NACAD: variants seen among roughly 807,000 people sequenced by gnomAD.
NACAD encodes the protein NAC alpha domain containing.
In NACAD, 47 loss-of-function variants were observed where a neutral mutation model predicts 98.9. The ratio of observed to expected loss-of-function variants is 0.48; its 90% CI spans 0.38 to 0.61. NACAD has a LOEUF of 0.61. NACAD is among the 20% of genes least tolerant of loss of function. The probability of loss-of-function intolerance (pLI) is 0.00; values close to 1 mark genes in which losing one functional copy is unlikely to be tolerated. For synonymous variants in NACAD, 696 were observed against 767.2 expected (o/e 0.91, Z 1.53); for missense variants, 1,412 against 1,748.2 (o/e 0.81, Z 3.43).
In NACAD at chr7:45,084,796, G is replaced by A. The variant is rs1458858243; in HGVS notation, c.1384C>T (p.Gln462Ter). ...TCTGTTACTTCTGAGATCAATTCCTGTCTCTGGGACAGATAGGCCCCTCTG... is the reference window on the plus strand; with the variant it reads ...TCTGTTACTTCTGAGATCAATTCCTATCTCTGGGACAGATAGGCCCCTCTG... Reference protein sequence around the residue: ...SDRGAYLSQRQELISEVTEEG... With the variant: ...SDRGAYLSQR The change falls in exon 2 of 8, where the codon CAG (glutamine) becomes TAG (stop). Residue 462 changes from glutamine (Q) to a stop codon, truncating the protein, a stop_gained. Coordinates refer to ENST00000490531, the MANE Select transcript of NACAD (RefSeq NM_001146334.2). LOFTEE classifies it high-confidence loss of function. 6.4e-7 allele frequency: 1 copy of A among 1,550,900 alleles called. No individual in the cohort carries two copies. The highest frequency in any genetic ancestry group is 8.7e-7 in the Non-Finnish European group (1 of 1,146,954).
rs1252064428 is a variant in NACAD at position 45,085,751 on chromosome 7, C to T, written c.429G>A (p.Glu143=). The change falls in exon 2 of 8, where the codon GAG becomes GAA. Residue 143 remains glutamate, a synonymous_variant. Coordinates refer to ENST00000490531, the MANE Select transcript of NACAD (RefSeq NM_001146334.2). The surrounding 1 kb of genome is among the most constrained non-coding windows in gnomAD (Gnocchi z 6.1). ...GTGGGTCTGGGCTTGCGTGCCCACC[C>T]TCCTGGTCCCTGAGCGCTGTCCGGG... The part of the protein sequence containing the change: ...RAARTALRDQ[E]GGHASPDPPP... 1 of 1,549,696 alleles carries T rather than the reference C, an allele frequency of 6.5e-7. No individual in the cohort carries two copies. The highest frequency in any genetic ancestry group is 1.2e-5 in the South Asian group (1 of 83,926).
At chr7:45,087,961 C>T (rs758160186) in intron 1 of NACAD, among the ~76,000 whole-genome samples, 9 of 152,210 alleles carry the variant, frequency 5.9e-5, no homozygotes, top group Non-Finnish European at 1.2e-4. Flanking sequence ...AGAGCCAGCA[C>T]AAGACCCTGG....
In NACAD at chr7:45,088,571, G is replaced by A. The variant is rs933536650; in HGVS notation, c.67+257C>T. 3.9e-5 allele frequency among the ~76,000 whole-genome samples: 6 copies of A among 152,224 alleles called. No individual in the cohort carries two copies. Among genetic ancestry groups the A allele is most frequent in the Admixed American group, 2.0e-4 (3 of 15,288 alleles). On this transcript the variant is annotated intron_variant, in intron 1 of 7. Coordinates refer to ENST00000490531, the MANE Select transcript of NACAD (RefSeq NM_001146334.2). The surrounding 1 kb of genome is among the most constrained non-coding windows in gnomAD (Gnocchi z 5.7). ...GCGGGATGCGAGCCCCACGATCCCTGGGTCGGAAGCCAAGGGCTTAAGCCC... is the reference window on the plus strand; with the variant it reads ...GCGGGATGCGAGCCCCACGATCCCTAGGTCGGAAGCCAAGGGCTTAAGCCC...
rs546586570 is a variant in NACAD at position 45,086,160 on chromosome 7, G to C, written c.68-48C>G. The C allele has an allele frequency of 5.3e-6, 8 of 1,522,784 alleles. No individual in the cohort carries two copies. In the South Asian group the frequency reaches 7.2e-5, roughly 14 times the overall value. The allele number at this position is 1,522,784 out of a possible 1,614,324, so 94.3% of individuals were successfully genotyped here. ...GAGGTGCCCCTGGATGCATCTCCCA[G>C]GCAAGGGCCAGGCCCGGGGAGATGA... is the stretch of plus-strand genomic sequence containing the variant. On this transcript the variant is annotated intron_variant, in intron 1 of 7. Transcript: ENST00000490531.
In NACAD at chr7:45,088,753, G is replaced by A. The variant is rs1206557023; in HGVS notation, c.67+75C>T. 3.1e-6 allele frequency: 4 copies of A among 1,307,028 alleles called. No individual in the cohort carries two copies. In the East Asian group the frequency reaches 1.2e-4, roughly 40 times the overall value. The allele number at this position is 1,307,028 out of a possible 1,614,324, so 81.0% of individuals were successfully genotyped here. A position where few individuals can be genotyped will look rare whatever the true frequency, so the allele number is the denominator to read the frequency against. On this transcript the variant is annotated intron_variant, in intron 1 of 7. Coordinates refer to ENST00000490531, the MANE Select transcript of NACAD (RefSeq NM_001146334.2). The surrounding 1 kb of genome is among the most constrained non-coding windows in gnomAD (Gnocchi z 5.7). The stretch of plus-strand genomic sequence containing the variant: ...AGGGGGATGGGGGAGAGGGGTGAAA[G>A]GTGAGCGATGGAAAGAGAACCCGGG...
rs528438032 is a variant in NACAD, at chr7:45,085,845, G to A, written c.335C>T (p.Pro112Leu). 148 of 1,542,844 alleles carry A rather than the reference G, an allele frequency of 9.6e-5. No individual in the cohort carries two copies. The East Asian group carries it at 2.6e-3, about 28-fold the overall frequency. Residue 112 changes from proline (P) to leucine (L), a missense_variant, in exon 2 of 8, where the codon CCG becomes CTG. Coordinates refer to ENST00000490531, the MANE Select transcript of NACAD (RefSeq NM_001146334.2). The surrounding 1 kb of genome is among the most constrained non-coding windows in gnomAD (Gnocchi z 6.1). Reference protein sequence around the residue: ...SQALSTEAPLPATLEPRIVMG... With the variant: ...SQALSTEAPLLATLEPRIVMG... ...CACAATCCGGGGCTCCAGGGTGGCC[G>A]GGAGAGGAGCCTCCGTGGACAGAGC...
At position 45,083,325 on chromosome 7, in the gene NACAD, G is replaced by C. The variant is rs975909425; in HGVS notation, c.2855C>G (p.Ala952Gly). 2.3e-5 allele frequency: 36 copies of C among 1,551,128 alleles called. No homozygotes were observed. The highest frequency in any genetic ancestry group is 3.1e-5 in the Non-Finnish European group (35 of 1,147,018). The change falls in exon 2 of 8, where the codon GCA becomes GGA. Residue 952 changes from alanine (A) to glycine (G), a missense_variant. By Grantham distance (60) the Ala-to-Gly change is moderately conservative. This residue lies in a region of NACAD where 572 missense variants were observed against 639.6 expected (regional missense o/e 0.89). Coordinates refer to ENST00000490531, the MANE Select transcript of NACAD (RefSeq NM_001146334.2). ...AGGCTCTGTCCCTGGGGCACAGCCT[G>C]CTTCTGCCTGCAAGGTTTGAGGGGT... ...VATPQTLQAE[A>G]GCAPGTEPVA...
In NACAD at chr7:45,084,828, G is replaced by C; in HGVS notation, c.1352C>G (p.Thr451Ser). ...GGACAGATAGGCCCCTCTGTCTGAG[G>C]TCTGAGGAGCAGCCTCCACGGCCCA... is the stretch of plus-strand genomic sequence containing the variant. ...VSWAVEAAPQ[T>S]SDRGAYLSQR... Residue 451 changes from threonine (T) to serine (S), a missense_variant, in exon 2 of 8, where the codon ACC (threonine) becomes AGC (serine). Around this residue, in one of 5 missense-constraint regions of NACAD, gnomAD observed 638 missense variants for 722.7 expected, o/e 0.88. Coordinates refer to ENST00000490531, the MANE Select transcript of NACAD (RefSeq NM_001146334.2). 6.4e-7 allele frequency: 1 copy of C among 1,550,912 alleles called. No homozygotes were observed. The highest frequency in any genetic ancestry group is 8.7e-7 in the Non-Finnish European group (1 of 1,146,934).
Position 45,088,895 on chromosome 7 carries a change from G to A in NACAD, c.-1C>T. 2 of 1,435,590 alleles carry A rather than the reference G, an allele frequency of 1.4e-6. No homozygotes were observed. Among genetic ancestry groups the A allele is most frequent in the Non-Finnish European group, 9.1e-7 (1 of 1,096,102 alleles). 88.9% of individuals were successfully genotyped at this position (1,435,590 alleles called of 1,614,324 possible). ...CGGCGCGGGCAGCCTCCCCAGGCATGGCCTGGCCGTGCGCCCGCCCGTCCC... is the reference window on the plus strand; with the variant it reads ...CGGCGCGGGCAGCCTCCCCAGGCATAGCCTGGCCGTGCGCCCGCCCGTCCC... On this transcript the variant is annotated 5_prime_UTR_variant, in exon 1 of 8. Coordinates refer to ENST00000490531, the MANE Select transcript of NACAD (RefSeq NM_001146334.2). The surrounding 1 kb of genome is among the most constrained non-coding windows in gnomAD (Gnocchi z 5.7).
Position 45,085,837 on chromosome 7 carries a change from G to T in NACAD, c.343C>A (p.Leu115Met). 6.5e-7 allele frequency: 1 copy of T among 1,542,078 alleles called. No individual in the cohort carries two copies. The highest frequency in any genetic ancestry group is 8.7e-7 in the Non-Finnish European group (1 of 1,142,982). ...TCTCCCATCACAATCCGGGGCTCCA[G>T]GGTGGCCGGGAGAGGAGCCTCCGTG... ...LSTEAPLPAT[L>M]EPRIVMGEET... Residue 115 changes from leucine to methionine, a missense_variant, in exon 2 of 8, where the codon CTG (leucine) becomes ATG (methionine). By Grantham distance (15) the Leu-to-Met change is conservative (BLOSUM62 2). Coordinates refer to ENST00000490531, the MANE Select transcript of NACAD (RefSeq NM_001146334.2). This position sits in a 1 kb window ranked among gnomAD's most constrained non-coding sequence, Gnocchi z 6.1.
rs771376757 is a variant in NACAD, at chr7:45,085,415, C to T, written c.765G>A (p.Pro255=). 84 of 1,546,760 alleles carry T rather than the reference C, an allele frequency of 5.4e-5. No individual in the cohort carries two copies. The highest frequency in any genetic ancestry group is 6.9e-5 in the Non-Finnish European group (79 of 1,145,024). ...CTCGTTCATCCACCATGGACCCCTGCGGGGACAGGCCCCAGCCTGAGGGGA... is the reference window on the plus strand; with the variant it reads ...CTCGTTCATCCACCATGGACCCCTGTGGGGACAGGCCCCAGCCTGAGGGGA... The part of the protein sequence containing the change: ...LDFPSGWGLS[P]QGSMVDEREL... Residue 255 remains proline (P), a synonymous_variant, in exon 2 of 8, where the codon CCG becomes CCA. Transcript: ENST00000490531. The surrounding 1 kb of genome is among the most constrained non-coding windows in gnomAD (Gnocchi z 6.1).
chr7:45,081,549 C>A, intron 4 of NACAD, 52 bp downstream of exon 4: 1 of 1,544,602 alleles, frequency 6.5e-7, no homozygotes, highest in South Asian at 1.2e-5. Context: ...TAAGGACGTT[C>A]CCCACACAGA....
chr7:45,082,556 G>C lies in NACAD; in HGVS notation c.3624C>G (p.Pro1208=), dbSNP rs765461975. The C allele has an allele frequency of 1.8e-4, 276 of 1,547,850 alleles. No homozygotes were observed. The highest frequency in any genetic ancestry group is 2.2e-4 in the Non-Finnish European group (255 of 1,145,886). ...PSVLGTPLLQ[P]PENLAKGQPS... ...GCTGACCCTTGGCAAGGTTTTCTGG[G>C]GGCTGCAGCAAGGGGGTGCCAAGGA... Residue 1208 remains proline (P), a synonymous_variant, in exon 2 of 8, where the codon CCC becomes CCG. Transcript: ENST00000490531. The surrounding 1 kb of genome is among the most constrained non-coding windows in gnomAD (Gnocchi z 4.5).
chr7:45,084,511 A>C lies in NACAD; in HGVS notation c.1669T>G (p.Leu557Val). 6.4e-7 allele frequency: 1 copy of C among 1,552,294 alleles called. No homozygotes were observed. ...AAGTTCTGAGGAGAGTCTGGACACA[A>C]TGTGAGGCTTGTTTCTTCCTGTGGA... is the stretch of plus-strand genomic sequence containing the variant. ...PTPQEETSLT[L>V]CPDSPQNLKE... The change falls in exon 2 of 8, where the codon TTG becomes GTG. Residue 557 changes from leucine to valine, a missense_variant. Coordinates refer to ENST00000490531, the MANE Select transcript of NACAD (RefSeq NM_001146334.2).
Position 45,081,494 on chromosome 7 carries a change from CCT to C in NACAD, c.4257+105_4257+106del, listed in dbSNP as rs1784429442. 5.0e-6 allele frequency: 7 copies of C among 1,413,274 alleles called. No individual in the cohort carries two copies. In the East Asian group the frequency reaches 1.7e-4, roughly 35 times the overall value. 87.5% of individuals were successfully genotyped at this position (1,413,274 alleles called of 1,614,324 possible). On this transcript the variant is annotated intron_variant, in intron 4 of 7. Transcript: ENST00000490531. ...GTTACTGGCATGGACCCAAAGGTCC[CCT>C]GATGGATGGGATTTCATTAGCCATG... is the stretch of plus-strand genomic sequence containing the variant.
rs747822028 is a variant in NACAD at position 45,084,455 on chromosome 7, A to C, written c.1725T>G (p.Ser575=). The change falls in exon 2 of 8, where the codon TCT becomes TCG. Residue 575 remains serine (S), a synonymous_variant. Transcript: ENST00000490531. The part of the protein sequence containing the change: ...LKEEGGLDLP[S]GRKPVAAATI... ...TGGCTGCAGCTACAGGCTTTCTGCC[A>C]GAGGGGAGGTCCAGCCCTCCTTCTT... The C allele has an allele frequency of 1.3e-6, 2 of 1,551,938 alleles. No individual in the cohort carries two copies.
In NACAD at chr7:45,084,732, A is replaced by G. The variant is rs762140085; in HGVS notation, c.1448T>C (p.Val483Ala). 6.4e-7 allele frequency: 1 copy of G among 1,551,068 alleles called. No homozygotes were observed. Among genetic ancestry groups the G allele is most frequent in the Non-Finnish European group, 8.7e-7 (1 of 1,146,888 alleles). ...GGCTACCTGCAGAGTGTGAGGGGTCACAGTGGCAGTGGACTCCTGGCCTAA... is the reference window on the plus strand; with the variant it reads ...GGCTACCTGCAGAGTGTGAGGGGTCGCAGTGGCAGTGGACTCCTGGCCTAA... Reference protein sequence around the residue: ...LALGQESTATVTPHTLQVAPG... With the variant: ...LALGQESTATATPHTLQVAPG... The change falls in exon 2 of 8, where the codon GTG becomes GCG. Residue 483 changes from valine to alanine, a missense_variant. Transcript: ENST00000490531.
At position 45,088,759 on chromosome 7, in the gene NACAD, C is replaced by T; in HGVS notation, c.67+69G>A. On this transcript the variant is annotated intron_variant, in intron 1 of 7. Coordinates refer to ENST00000490531, the MANE Select transcript of NACAD (RefSeq NM_001146334.2). The surrounding 1 kb of genome is among the most constrained non-coding windows in gnomAD (Gnocchi z 5.7). ...ATGGGGGAGAGGGGTGAAAGGTGAG[C>T]GATGGAAAGAGAACCCGGGCTGGAG... 2 of 1,338,672 alleles carry T rather than the reference C, an allele frequency of 1.5e-6. No individual in the cohort carries two copies. Among genetic ancestry groups the T allele is most frequent in the East Asian group, 3.0e-5 (1 of 32,872 alleles). The allele number at this position is 1,338,672 out of a possible 1,614,324, so 82.9% of individuals were successfully genotyped here.
At position 45,084,889 on chromosome 7, in the gene NACAD, C is replaced by T. The variant is rs757091852; in HGVS notation, c.1291G>A (p.Ala431Thr). The change falls in exon 2 of 8, where the codon GCC becomes ACC. Residue 431 changes from alanine (A) to threonine (T), a missense_variant. Physicochemically the swap from Ala to Thr is moderately conservative, Grantham distance 58. Transcript: ENST00000490531. ...QKTEEESGGG[A>T]KGLQAQDGTV... is the part of the protein sequence containing the mutation. ...CCATCCTGAGCCTGCAGCCCCTTGG[C>T]CCCACCTCCGCTCTCCTCCTCTGTC... is the stretch of plus-strand genomic sequence containing the variant. The T allele has an allele frequency of 1.9e-5, 29 of 1,550,932 alleles. No homozygotes were observed. Among genetic ancestry groups the T allele is most frequent in the Admixed American group, 5.9e-5 (3 of 50,990 alleles).
Sources: allele counts gnomAD v4.1 joint callset (sites outside exome capture counted in the v4.1 genomes callset), GRCh38; gene constraint gnomAD v4.1.1; regional missense constraint gnomAD v4.1.1; non-coding constraint Gnocchi (gnomAD v3.1); transcripts MANE v1.5; gene names NCBI Gene and HGNC (gene_info 2026-07-23, HGNC 2026-07-21).